SKP2: variants seen among roughly 807,000 people sequenced by gnomAD.
SKP2 encodes S-phase kinase associated protein 2.
A neutral mutation model predicts 51.8 loss-of-function variants in SKP2; 16 were observed. The observed-to-expected ratio is 0.31, with a 90% CI of 0.21 to 0.47. The LOEUF (loss-of-function observed/expected upper bound fraction) is 0.47, where lower values mean the gene tolerates loss of function less well. Among genes scored for constraint, SKP2 ranks in the 20% least tolerant of loss-of-function variants. SKP2 has a pLI of 1.00. For synonymous variants in SKP2, 176 were observed against 198.6 expected (o/e 0.89, Z 0.96); for missense variants, 377 against 505.3 (o/e 0.75, Z 2.43).
intron 9 of SKP2, among the ~76,000 whole-genome samples, chr5:36,179,099 G>A (rs983917293): frequency 6.6e-6 from 1 of 152,104 alleles, no homozygotes; most frequent in Non-Finnish European, 1.5e-5. Context: ...CACTAGAATA[G>A]AGAAGAAGAA....
intron 9 of SKP2, 100 bp downstream of exon 9, chr5:36,177,392 A>C (rs1217387371): frequency 1.3e-6 from 1 of 774,716 alleles, no homozygotes; most frequent in Non-Finnish European, 2.3e-6. Context: ...TATGAAACCG[A>C]AACATTAGTA....
chr5:36,162,905 A>C (rs538281092), intron 2 of SKP2, among the ~76,000 whole-genome samples: 1 of 152,320 alleles, frequency 6.6e-6, no homozygotes, highest in Admixed American at 6.5e-5. Flanking sequence ...TGGCGGCATC[A>C]AGTGCAGAGC....
At chr5:36,166,163 A>G (rs998452604) in intron 3 of SKP2, among the ~76,000 whole-genome samples, 2 of 152,248 alleles carry the variant, frequency 1.3e-5, no homozygotes, top group African/African-American at 4.8e-5. Context: ...CTATTTGCCT[A>G]GTAATATAAT....
chr5:36,176,816 A>G, intron 7 of SKP2, 149 bp from the exon 8 acceptor site: 1 of 504,918 alleles, frequency 2.0e-6, no homozygotes, highest in Non-Finnish European at 3.5e-6. Context: ...TTATGTTCCA[A>G]GATGATCATT....
At chr5:36,187,400 G>A (rs1299213564), downstream of SKP2, among the ~76,000 whole-genome samples, 1 of 152,148 alleles carries the variant, frequency 6.6e-6, no homozygotes, top group Non-Finnish European at 1.5e-5. Flanking sequence ...TCTACACACT[G>A]CTTTAAATGT....
intron 7 of SKP2, among the ~76,000 whole-genome samples, chr5:36,172,704 G>A (rs1561538299): frequency 6.6e-6 from 1 of 152,166 alleles, no homozygotes. Context: ...CAGGACAGAT[G>A]TCCTCTGGTA....
chr5:36,171,093 C>T (rs1745457751), intron 6 of SKP2, among the ~76,000 whole-genome samples: 1 of 152,152 alleles, frequency 6.6e-6, no homozygotes, highest in South Asian at 2.1e-4. Flanking sequence ...ATTTAGTCAG[C>T]AGTGCCAGAA....
chr5:36,191,482 G>A (rs1398943484), intron 6 of SKP2, among the ~76,000 whole-genome samples: 2 of 148,878 alleles, frequency 1.3e-5, no homozygotes, highest in African/African-American at 5.0e-5. Flanking sequence ...CATTTTCACT[G>A]CTGTCACTTT....
At position 36,169,370 on chromosome 5, in the gene SKP2, G is replaced by A. The variant is rs1180623089; in HGVS notation, c.671+923G>A. ...TGAGGCAGGAGAATCGCTTGAACCC[G>A]GGAGGCGGAGGTTGCCATGAGCTGA... On this transcript the variant is annotated intron_variant, in intron 5 of 9. Transcript: ENST00000274255. Among the ~76,000 whole-genome samples the A allele has an allele frequency of 5.3e-5, 8 of 152,168 alleles. 1 individual carries two copies. Among genetic ancestry groups the A allele is most frequent in the Admixed American group, 2.0e-4 (3 of 15,282 alleles).
intron 7 of SKP2, among the ~76,000 whole-genome samples, chr5:36,175,322 G>T (rs1035091098): frequency 1.3e-5 from 2 of 152,166 alleles, no homozygotes; most frequent in South Asian, 4.1e-4. Flanking sequence ...GGGAGAAATT[G>T]AGTATTTGAT....
At chr5:36,155,335 G>C (rs1393496867) in intron 2 of SKP2, 2 of 152,210 alleles carry the variant, frequency 1.3e-5, no homozygotes, top group Admixed American at 1.3e-4. Context: ...AAGCAGTAGA[G>C]GGTTGTAGTG....
intron 7 of SKP2, 79 bp from the exon 8 acceptor site, chr5:36,176,886 C>A: frequency 1.1e-6 from 1 of 875,216 alleles, no homozygotes; most frequent in Non-Finnish European, 1.8e-6. Flanking sequence ...GCATGATGTT[C>A]AATGATAGTA....
intron 6 of SKP2, among the ~76,000 whole-genome samples, chr5:36,191,389 GTTC>G (rs1197253790): frequency 0.043 from 6,365 of 148,698 alleles, 189 homozygotes; most frequent in Non-Finnish European, 0.063. Context: ...GTATCATCAA[GTTC>G]TTTTTTTTTT....
chr5:36,155,604 T>C (rs1035568267), intron 2 of SKP2, among the ~76,000 whole-genome samples: 2 of 152,218 alleles, frequency 1.3e-5, no homozygotes, highest in Admixed American at 6.5e-5. Context: ...TTAATATTGT[T>C]ACTCTGACCC....
In SKP2 at chr5:36,182,885, T is replaced by C. The variant is rs1745854245; in HGVS notation, c.*854T>C. ...AAAGGTGGTATTAATCCACTCTCTATTCTTGAAAATTTGGATGGGAGAATT... is the reference window on the plus strand; with the variant it reads ...AAAGGTGGTATTAATCCACTCTCTACTCTTGAAAATTTGGATGGGAGAATT... On this transcript the variant is annotated 3_prime_UTR_variant, in exon 10 of 10. Coordinates refer to ENST00000274255, the MANE Select transcript of SKP2 (RefSeq NM_005983.4). The C allele has an allele frequency of 1.0e-6, 1 of 985,044 alleles. No individual in the cohort carries two copies. The highest frequency in any genetic ancestry group is 1.7e-5 in the African/African-American group (1 of 57,250). 61.0% of individuals were successfully genotyped at this position (985,044 alleles called of 1,614,324 possible).
At chr5:36,184,761 C>G (rs1421694684), downstream of SKP2, among the ~76,000 whole-genome samples, 2 of 152,162 alleles carry the variant, frequency 1.3e-5, no homozygotes, top group Non-Finnish European at 2.9e-5. Flanking sequence ...GATTTATACT[C>G]CTTTGGGTAT....
chr5:36,167,934 C>T (rs932486827), intron 4 of SKP2, among the ~76,000 whole-genome samples: 1 of 151,728 alleles, frequency 6.6e-6, no homozygotes, highest in Non-Finnish European at 1.5e-5. Flanking sequence ...CCCTTTAAAA[C>T]TTTCTCTTCC....
chr5:36,184,546 AATG>A (rs1745922330), downstream of SKP2, among the ~76,000 whole-genome samples: 3 of 152,074 alleles, frequency 2.0e-5, no homozygotes, highest in Non-Finnish European at 4.4e-5. Flanking sequence ...GTTTGCTGAG[AATG>A]ATGGTTTCCA....
intron 5 of SKP2, 125 bp from the exon 6 acceptor site, chr5:36,170,219 T>C (rs1168432863): frequency 3.7e-6 from 2 of 542,794 alleles, no homozygotes; most frequent in East Asian, 3.0e-5. Flanking sequence ...GATAGTGATA[T>C]ACATTTTAAA....
Sources: allele counts gnomAD v4.1 joint callset (sites outside exome capture counted in the v4.1 genomes callset), GRCh38; gene constraint gnomAD v4.1.1; transcripts MANE v1.5; gene names NCBI Gene and HGNC (gene_info 2026-07-23, HGNC 2026-07-21).